The following FCRL2 variants were observed in gnomAD, a reference collection of about 807,000 sequenced individuals.
FCRL2 encodes the protein Fc receptor like 2, also known as Fc receptor-like protein 2.
Under a neutral mutation model 59.8 loss-of-function variants are expected in FCRL2, and 48 were observed. The ratio of observed to expected loss-of-function variants is 0.80; its 90% CI spans 0.64 to 1.02. The LOEUF (loss-of-function observed/expected upper bound fraction) is 1.02, where lower values mean the gene tolerates loss of function less well. Ranked by LOEUF, FCRL2 falls within the 50% of genes least tolerant of loss-of-function variation. The pLI, the probability that FCRL2 is intolerant of heterozygous loss-of-function variation, is 0.00. For synonymous variants in FCRL2, 251 were observed against 229.5 expected (o/e 1.09, Z -0.85); for missense variants, 658 against 597.3 (o/e 1.10, Z -1.06).
chr1:157,748,599 A>G lies in FCRL2; in HGVS notation c.1413T>C (p.Asp471=), dbSNP rs1300632539. ...VYVNVGSVDV[D]VVYSQVWSMQ... Reference sequence around the variant, plus strand: ...TGCTCCAGACCTGAGAATAAACCACATCCACATCTACAGAGCCCACTGCAG... The same window carrying G: ...TGCTCCAGACCTGAGAATAAACCACGTCCACATCTACAGAGCCCACTGCAG... The change falls in exon 10 of 12, where the codon GAT becomes GAC. Residue 471 remains aspartate (D), a synonymous_variant. Transcript: ENST00000361516. 2 of 1,613,934 alleles carry G rather than the reference A, an allele frequency of 1.2e-6. No homozygotes were observed. Among genetic ancestry groups the G allele is most frequent in the South Asian group, 2.2e-5 (2 of 91,070 alleles).
chr1:157,755,267 A>G (rs1378722923), intron 7 of FCRL2, among the ~76,000 whole-genome samples: 1 of 152,208 alleles, frequency 6.6e-6, no homozygotes, highest in Non-Finnish European at 1.5e-5. Context: ...CGATGAAACT[A>G]TGTGAACAAA....
In FCRL2 at chr1:157,770,356, C is replaced by T. The variant is rs1649902841; in HGVS notation, c.310+53G>A. The T allele has an allele frequency of 1.7e-5, 27 of 1,585,234 alleles. 1 individual carries two copies. In the South Asian group the frequency reaches 3.1e-4, roughly 18 times the overall value. On this transcript the variant is annotated intron_variant, in intron 3 of 11. Coordinates refer to ENST00000361516, the MANE Select transcript of FCRL2 (RefSeq NM_030764.4). Reference sequence around the variant, plus strand: ...TTTCCCCTACCCAGTACCCACCCTGCCTTGCTGCCGTGGTCTCTCACCCAG... The same window carrying T: ...TTTCCCCTACCCAGTACCCACCCTGTCTTGCTGCCGTGGTCTCTCACCCAG...
At chr1:157,769,715 C>A (rs1352311279) in intron 4 of FCRL2, 151 bp downstream of exon 4, 4 of 862,760 alleles carry the variant, frequency 4.6e-6, no homozygotes, top group Non-Finnish European at 1.7e-6. Context: ...GCGTGAGCCA[C>A]CGCGCCCGGC....
chr1:157,763,272 C>G (rs1010408165), intron 7 of FCRL2, among the ~76,000 whole-genome samples: 5 of 152,116 alleles, frequency 3.3e-5, no homozygotes, highest in African/African-American at 1.2e-4. Flanking sequence ...CCTGTAATCC[C>G]AGCACTTTGG....
At chr1:157,769,486 G>A (rs1649807083) in intron 4 of FCRL2, 1 of 180,010 alleles carries the variant, frequency 5.6e-6, no homozygotes, top group Non-Finnish European at 1.2e-5. Flanking sequence ...GGAGTGCAGT[G>A]GCGTGATCTC....
intron 2 of FCRL2, among the ~76,000 whole-genome samples, chr1:157,771,976 G>A (rs761332685): frequency 7.9e-5 from 12 of 151,554 alleles, no homozygotes; most frequent in Non-Finnish European, 1.2e-4. Flanking sequence ...GTTCGCTACT[G>A]GCTATTTCAG....
At chr1:157,769,575 C>T (rs187782149) in intron 4 of FCRL2, 165 of 258,402 alleles carry the variant, frequency 6.4e-4, no homozygotes, top group Non-Finnish European at 6.8e-4. Flanking sequence ...CTACAGGCGC[C>T]CCCCACCAAG....
intron 7 of FCRL2, 26 bp from the exon 8 acceptor site, chr1:157,749,703 A>G (rs1648035236): frequency 6.3e-7 from 1 of 1,599,096 alleles, no homozygotes; most frequent in African/African-American, 1.3e-5. Context: ...AACAAAATTC[A>G]TTTCAGAGAA....
chr1:157,763,617 C>T (rs945100776), intron 7 of FCRL2, among the ~76,000 whole-genome samples: 41 of 152,112 alleles, frequency 2.7e-4, no homozygotes, highest in African/African-American at 8.2e-4. Context: ...CTGTAAGAAA[C>T]GTACTTTACC....
At chr1:157,755,574 A>G (rs138743275) in intron 7 of FCRL2, among the ~76,000 whole-genome samples, 1 of 152,340 alleles carries the variant, frequency 6.6e-6, no homozygotes, top group East Asian at 1.9e-4. Flanking sequence ...AAATTATCGT[A>G]GCATTGTGTG....
chr1:157,770,286 G>C, intron 3 of FCRL2, 123 bp downstream of exon 3: 1 of 1,450,746 alleles, frequency 6.9e-7, no homozygotes, highest in Non-Finnish European at 9.4e-7. Flanking sequence ...CTCCTTTGAT[G>C]ATCAAACCAC....
chr1:157,753,600 G>A (rs1357144649), intron 7 of FCRL2, among the ~76,000 whole-genome samples: 3 of 152,146 alleles, frequency 2.0e-5, no homozygotes, highest in East Asian at 3.8e-4. Context: ...TGGCAAGCTC[G>A]CCAAATCCCA....
intron 8 of FCRL2, 91 bp from the exon 9 acceptor site, chr1:157,749,051 C>T: frequency 9.1e-7 from 1 of 1,104,486 alleles, no homozygotes; most frequent in Non-Finnish European, 1.4e-6. Context: ...AGGTGGAAGC[C>T]CTGCAGCCAT....
intron 5 of FCRL2, chr1:157,767,778 T>A: frequency 3.4e-6 from 4 of 1,177,652 alleles, no homozygotes; most frequent in African/African-American, 1.5e-5. Context: ...CCTCTTCATA[T>A]TTCTTTTTTT....
intron 7 of FCRL2, among the ~76,000 whole-genome samples, chr1:157,759,182 T>C (rs542458481): frequency 6.6e-6 from 1 of 152,334 alleles, no homozygotes; most frequent in African/African-American, 2.4e-5. Context: ...CCTGCTACCC[T>C]GTGAAGAAGG....
Position 157,756,078 on chromosome 1 carries a change from A to G in FCRL2, c.1280-6401T>C, listed in dbSNP as rs181063407. On this transcript the variant is annotated intron_variant, in intron 7 of 11. Coordinates refer to ENST00000361516, the MANE Select transcript of FCRL2 (RefSeq NM_030764.4). ...TTAATAGTTTATTTTAGTTTATTTT[A>G]GGTTGACATAGAGGTATCATGGTCC... is the stretch of plus-strand genomic sequence containing the variant. Among the ~76,000 whole-genome samples, 113 of 152,358 alleles carry G rather than the reference A, an allele frequency of 7.4e-4. 1 individual carries two copies. Among genetic ancestry groups the G allele is most frequent in the Admixed American group, 1.4e-3 (22 of 15,302 alleles).
chr1:157,770,345 T>A, intron 3 of FCRL2, 64 bp downstream of exon 3: 1 of 1,570,564 alleles, frequency 6.4e-7, no homozygotes, highest in Non-Finnish European at 8.7e-7. Flanking sequence ...CCCTACCCAG[T>A]ACCCACCCTG....
At position 157,760,639 on chromosome 1, in the gene FCRL2, AAAAG is replaced by A. The variant is rs879312799; in HGVS notation, c.1279+6212_1279+6215del. On this transcript the variant is annotated intron_variant, in intron 7 of 11. Coordinates refer to ENST00000361516, the MANE Select transcript of FCRL2 (RefSeq NM_030764.4). ...GAGACTTTGTCAAAAAGAAAGAAAG[AAAAG>A]AAAGAAAGAAAGAAGGAAGGAAGGA... 1.1e-3 allele frequency among the ~76,000 whole-genome samples: 154 copies of A among 143,168 alleles called. 1 individual carries two copies. Among genetic ancestry groups the A allele is most frequent in the African/African-American group, 4.0e-3 (143 of 35,544 alleles). The allele number at this position is 143,168 out of a possible 152,430, so 93.9% of individuals were successfully genotyped here.
At chr1:157,772,524 C>T (rs1278346374) in intron 2 of FCRL2, among the ~76,000 whole-genome samples, 5 of 152,074 alleles carry the variant, frequency 3.3e-5, no homozygotes, top group Middle Eastern at 3.2e-3. Context: ...TGCTAAAGCT[C>T]GGAGGCCTGG....
Sources: allele counts gnomAD v4.1 joint callset (sites outside exome capture counted in the v4.1 genomes callset), GRCh38; gene constraint gnomAD v4.1.1; transcripts MANE v1.5; gene names NCBI Gene and HGNC (gene_info 2026-07-23, HGNC 2026-07-21).